The following CLDN16 variants were observed in gnomAD, a reference collection of about 807,000 sequenced individuals.
CLDN16 encodes claudin-16.
In CLDN16, 13 loss-of-function variants were observed where a neutral mutation model predicts 24.6. The ratio of observed to expected loss-of-function variants is 0.53; its 90% CI spans 0.34 to 0.84. The LOEUF (loss-of-function observed/expected upper bound fraction) is 0.84, where lower values mean the gene tolerates loss of function less well. Ranked by LOEUF, CLDN16 falls within the 40% of genes least tolerant of loss-of-function variation. CLDN16 has a pLI of 0.01. For synonymous variants in CLDN16, 116 were observed against 106.7 expected (o/e 1.09, Z -0.54); for missense variants, 298 against 292.7 (o/e 1.02, Z -0.13).
At chr3:190,341,520 G>T (rs1247308172) in intron 1 of CLDN16, among the ~76,000 whole-genome samples, 1 of 151,966 alleles carries the variant, frequency 6.6e-6, no homozygotes, top group Non-Finnish European at 1.5e-5. Context: ...CACAGCAGAG[G>T]AACCCTGGGC....
chr3:190,405,504 A>G (rs1010130678), intron 3 of CLDN16, among the ~76,000 whole-genome samples: 2 of 151,922 alleles, frequency 1.3e-5, no homozygotes, highest in Admixed American at 6.6e-5. Context: ...AAAAAGTTAC[A>G]TAACTTCAAT....
intron 3 of CLDN16, 125 bp from the exon 4 acceptor site, chr3:190,408,189 T>A: frequency 1.1e-6 from 1 of 930,748 alleles, no homozygotes; most frequent in Non-Finnish European, 1.8e-6. Flanking sequence ...GGGTTGCCCA[T>A]GAATCCATGT....
chr3:190,322,346 C>A, upstream of CLDN16: 1 of 783,388 alleles, frequency 1.3e-6, no homozygotes, highest in Non-Finnish European at 2.1e-6. Flanking sequence ...GCTGCGCCGC[C>A]GCTGGAGAAG....
At position 190,411,067 on chromosome 3, in the gene CLDN16, C is replaced by T. The variant is rs930021289; in HGVS notation, c.*1031C>T. ...CACGAGGTCAAGAGACGGAGACCAT[C>T]CTGGCTAACATGGTGAAACCCTGTC... On this transcript the variant is annotated 3_prime_UTR_variant, in exon 5 of 5. Transcript: ENST00000264734. 1 of 152,194 alleles carries T rather than the reference C, an allele frequency of 6.6e-6. No individual in the cohort carries two copies. Among genetic ancestry groups the T allele is most frequent in the African/African-American group, 2.4e-5 (1 of 41,436 alleles). 9.4% of individuals were successfully genotyped at this position (152,194 alleles called of 1,614,324 possible).
chr3:190,377,447 T>A (rs957761429), intron 3 of CLDN16, among the ~76,000 whole-genome samples: 1 of 151,916 alleles, frequency 6.6e-6, no homozygotes, highest in Non-Finnish European at 1.5e-5. Flanking sequence ...TCCATTTGGG[T>A]CTCCGTTAGT....
At chr3:190,322,473 A>C, upstream of CLDN16, 1 of 496,742 alleles carries the variant, frequency 2.0e-6, no homozygotes. Context: ...CCGCGATTTA[A>C]AGCAGCTCCG....
At chr3:190,409,841 G>T in intron 4 of CLDN16, 62 bp from the exon 5 acceptor site, 13 of 1,439,452 alleles carry the variant, frequency 9.0e-6, no homozygotes, top group Non-Finnish European at 1.3e-5. Flanking sequence ...CATATAAAAT[G>T]GTATTTTATA....
At chr3:190,311,780 T>A in the CLDN16 span, among the ~76,000 whole-genome samples, 5 of 151,370 alleles carry the variant, frequency 3.3e-5, no homozygotes, top group Non-Finnish European at 4.4e-5. Flanking sequence ...AGATTGCATA[T>A]GTATGTACAT....
intron 1 of CLDN16, among the ~76,000 whole-genome samples, chr3:190,400,628 C>T (rs1248256344): frequency 6.6e-6 from 1 of 152,124 alleles, no homozygotes; most frequent in African/African-American, 2.4e-5. Context: ...CAGTTCCATC[C>T]ATGCTGACTT....
Position 190,402,423 on chromosome 3 carries a change from A to G in CLDN16, c.201A>G (p.Ile67Met), listed in dbSNP as rs1257324344. ...GIRTCDEYDSILAEHPLKLVV... is the reference protein window; with the variant it reads ...GIRTCDEYDSMLAEHPLKLVV... ...GCACCTGTGATGAGTACGATTCCAT[A>G]CTTGCGGAGCATCCCTGTACGTATG... The change falls in exon 2 of 5, where the codon ATA becomes ATG. Residue 67 changes from isoleucine to methionine, a missense_variant. Physicochemically the swap from Ile to Met is conservative, Grantham distance 10. Coordinates refer to ENST00000264734, the MANE Select transcript of CLDN16 (RefSeq NM_006580.4). 1 of 1,613,414 alleles carries G rather than the reference A, an allele frequency of 6.2e-7. No homozygotes were observed. The highest frequency in any genetic ancestry group is 1.7e-5 in the Admixed American group (1 of 60,002).
At chr3:190,373,717 C>G (rs1560090131) in intron 2 of CLDN16, among the ~76,000 whole-genome samples, 1 of 151,698 alleles carries the variant, frequency 6.6e-6, no homozygotes, top group Non-Finnish European at 1.5e-5. Flanking sequence ...ACTGATTATC[C>G]AATAGCTAGT....
chr3:190,356,389 A>C (rs1041305076), intron 1 of CLDN16, among the ~76,000 whole-genome samples: 4 of 151,872 alleles, frequency 2.6e-5, no homozygotes, highest in African/African-American at 9.7e-5. Flanking sequence ...AAAATGTTAT[A>C]TACACAAAGC....
At chr3:190,324,530 G>A (rs930074326) in intron 1 of CLDN16, among the ~76,000 whole-genome samples, 26 of 152,236 alleles carry the variant, frequency 1.7e-4, no homozygotes, top group South Asian at 6.2e-4. Flanking sequence ...CATTTTCTGC[G>A]TTCAGTAAAT....
chr3:190,377,031 AAGG>A (rs1718262042), intron 3 of CLDN16, among the ~76,000 whole-genome samples: 1 of 151,934 alleles, frequency 6.6e-6, no homozygotes, highest in East Asian at 1.9e-4. Flanking sequence ...GGAGTGAGGA[AAGG>A]AGAAGGACAG....
the CLDN16 span, among the ~76,000 whole-genome samples, chr3:190,296,041 A>G: frequency 2.0e-5 from 3 of 152,224 alleles, no homozygotes; most frequent in East Asian, 5.8e-4. Flanking sequence ...TCTGAAATGG[A>G]GCCTCATTGA....
At chr3:190,395,217 A>G (rs903373948) in intron 1 of CLDN16, among the ~76,000 whole-genome samples, 1 of 152,112 alleles carries the variant, frequency 6.6e-6, no homozygotes, top group Non-Finnish European at 1.5e-5. Context: ...TTATTTTTCT[A>G]CTAAGTTGGC....
At chr3:190,353,548 T>A (rs1278172167) in intron 1 of CLDN16, among the ~76,000 whole-genome samples, 1 of 152,112 alleles carries the variant, frequency 6.6e-6, no homozygotes, top group African/African-American at 2.4e-5. Context: ...GAAGTTGTGA[T>A]CAAGATGAAA....
At chr3:190,359,762 C>A (rs1456087098) in intron 1 of CLDN16, among the ~76,000 whole-genome samples, 1 of 151,876 alleles carries the variant, frequency 6.6e-6, no homozygotes, top group East Asian at 1.9e-4. Flanking sequence ...ATTCCCAAAG[C>A]AGAGAAAATG....
At chr3:190,361,101 GA>G in intron 1 of CLDN16, among the ~76,000 whole-genome samples, 1 of 152,032 alleles carries the variant, frequency 6.6e-6, no homozygotes, top group East Asian at 1.9e-4. Flanking sequence ...TGAAAATAAA[GA>G]GCAAAGAAAC....
Sources: allele counts gnomAD v4.1 joint callset (sites outside exome capture counted in the v4.1 genomes callset), GRCh38; gene constraint gnomAD v4.1.1; transcripts MANE v1.5; gene names NCBI Gene and HGNC (gene_info 2026-07-23, HGNC 2026-07-21).